The following NCAM2 variants were observed in gnomAD, a reference collection of about 807,000 sequenced individuals.
NCAM2 encodes the protein N-CAM-2.
Under a neutral mutation model 98.1 loss-of-function variants are expected in NCAM2, and 30 were observed. The observed-to-expected ratio is 0.31, with a 90% confidence interval of 0.23 to 0.41. The LOEUF (loss-of-function observed/expected upper bound fraction) is 0.41, where lower values mean the gene tolerates loss of function less well. Among genes scored for constraint, NCAM2 ranks in the 10% least tolerant of loss-of-function variants. The probability of loss-of-function intolerance (pLI) is 1.00; values close to 1 mark genes in which losing one functional copy is unlikely to be tolerated. For missense variants in NCAM2, 867 were observed against 1,005.8 expected (o/e 0.86, Z 1.87); for synonymous variants, 368 against 342.4 (o/e 1.07, Z -0.83).
At chr21:21,263,600 T>A (rs951371411) in intron 1 of NCAM2, among the ~76,000 whole-genome samples, 2 of 152,088 alleles carry the variant, frequency 1.3e-5, no homozygotes, top group Non-Finnish European at 2.9e-5. Flanking sequence ...ATTGCCTGAC[T>A]TCAAACTATA....
intron 1 of NCAM2, among the ~76,000 whole-genome samples, chr21:21,123,640 T>C (rs1364521012): frequency 6.6e-6 from 1 of 152,134 alleles, no homozygotes; most frequent in Non-Finnish European, 1.5e-5. Flanking sequence ...CAAATATGTC[T>C]GATGCGCATT....
chr21:21,384,075 A>C (rs944673881), intron 9 of NCAM2, among the ~76,000 whole-genome samples: 1 of 151,998 alleles, frequency 6.6e-6, no homozygotes, highest in Non-Finnish European at 1.5e-5. Flanking sequence ...TGGTAGATAT[A>C]TAAGTATTTT....
intron 1 of NCAM2, chr21:21,210,612 G>A (rs1568773757): frequency 2.3e-6 from 3 of 1,288,414 alleles, no homozygotes; most frequent in Non-Finnish European, 3.0e-6. Flanking sequence ...ATCACAACAG[G>A]CAAGGTCTCT....
chr21:21,330,237 C>T (rs2074634354), intron 6 of NCAM2, among the ~76,000 whole-genome samples: 1 of 151,976 alleles, frequency 6.6e-6, no homozygotes, highest in Non-Finnish European at 1.5e-5. Flanking sequence ...AAGGTGGACT[C>T]ATGTCATTGA....
chr21:21,081,689 T>C (rs539069319), intron 1 of NCAM2, among the ~76,000 whole-genome samples: 1 of 151,662 alleles, frequency 6.6e-6, no homozygotes, highest in South Asian at 2.1e-4. Context: ...TAATCTCAGT[T>C]ACTAGGGAGG....
At chr21:21,019,545 TGAG>T (rs1308695635) in intron 1 of NCAM2, among the ~76,000 whole-genome samples, 1 of 152,188 alleles carries the variant, frequency 6.6e-6, no homozygotes, top group African/African-American at 2.4e-5. Context: ...ATCCATAGAA[TGAG>T]GATAATAATA....
At chr21:21,178,150 GTTT>G (rs1305776863) in intron 1 of NCAM2, among the ~76,000 whole-genome samples, 1 of 152,036 alleles carries the variant, frequency 6.6e-6, no homozygotes, top group African/African-American at 2.4e-5. Flanking sequence ...ATTTATTGCT[GTTT>G]TCTTCTTACA....
chr21:21,090,331 C>T (rs2065987799), intron 1 of NCAM2, among the ~76,000 whole-genome samples: 1 of 151,990 alleles, frequency 6.6e-6, no homozygotes, highest in Admixed American at 6.6e-5. Flanking sequence ...TAAATACTTT[C>T]TGGGAACACT....
chr21:21,513,796 G>C (rs143229614), intron 16 of NCAM2, among the ~76,000 whole-genome samples: 11 of 152,210 alleles, frequency 7.2e-5, no homozygotes, highest in African/African-American at 2.6e-4. Flanking sequence ...GATGGGTTTT[G>C]AGGTTCACAG....
chr21:21,170,502 G>C (rs2068087781), intron 1 of NCAM2, among the ~76,000 whole-genome samples: 2 of 152,168 alleles, frequency 1.3e-5, no homozygotes, highest in Non-Finnish European at 2.9e-5. Context: ...CCAAGTATAT[G>C]AGACTCTAGA....
At chr21:21,272,497 T>TATGCGC (rs2072540720) in intron 1 of NCAM2, among the ~76,000 whole-genome samples, 1 of 145,450 alleles carries the variant, frequency 6.9e-6, no homozygotes, top group Non-Finnish European at 1.5e-5. Context: ...TACACACACA[T>TATGCGC]GCGCGCGCGC....
chr21:21,488,986 T>G (rs1473666359), intron 15 of NCAM2, among the ~76,000 whole-genome samples: 45 of 152,006 alleles, frequency 3.0e-4, no homozygotes, highest in Admixed American at 2.9e-3. Flanking sequence ...TTAATTTTTA[T>G]TTATTTATTT....
intron 1 of NCAM2, among the ~76,000 whole-genome samples, chr21:21,151,433 A>T (rs957939812): frequency 2.0e-5 from 3 of 152,052 alleles, no homozygotes; most frequent in Non-Finnish European, 4.4e-5. Context: ...GTTATTAGGT[A>T]AAGTTTGCTA....
intron 1 of NCAM2, among the ~76,000 whole-genome samples, chr21:21,161,175 T>C (rs2067770658): frequency 6.6e-6 from 1 of 151,818 alleles, no homozygotes; most frequent in South Asian, 2.1e-4. Context: ...ATGAATATTA[T>C]TTGCGAATAG....
intron 1 of NCAM2, among the ~76,000 whole-genome samples, chr21:21,206,798 A>G (rs539099971): frequency 4.6e-4 from 70 of 152,266 alleles, no homozygotes; most frequent in South Asian, 8.3e-4. Flanking sequence ...TAAAGGATGA[A>G]TGCATGCATG....
chr21:21,018,494 C>T (rs905658213), intron 1 of NCAM2, among the ~76,000 whole-genome samples: 1 of 152,218 alleles, frequency 6.6e-6, no homozygotes, highest in Non-Finnish European at 1.5e-5. Flanking sequence ...CTTCTTGTTA[C>T]AGTGCTGCTG....
chr21:21,127,605 A>G (rs2066854355), intron 1 of NCAM2, among the ~76,000 whole-genome samples: 1 of 152,156 alleles, frequency 6.6e-6, no homozygotes, highest in African/African-American at 2.4e-5. Context: ...ACCTCTCTTC[A>G]TTCTGCCTCC....
intron 1 of NCAM2, among the ~76,000 whole-genome samples, chr21:21,069,315 A>G (rs1202566216): frequency 6.6e-6 from 1 of 152,220 alleles, no homozygotes; most frequent in Non-Finnish European, 1.5e-5. Flanking sequence ...TGTAAATTAT[A>G]TATGAATAAT....
At chr21:21,381,915 T>C (rs2076161981) in intron 9 of NCAM2, among the ~76,000 whole-genome samples, 1 of 152,162 alleles carries the variant, frequency 6.6e-6, no homozygotes, top group Admixed American at 6.5e-5. Flanking sequence ...TAATTTATCT[T>C]TCATCAAATG....
Sources: allele counts gnomAD v4.1 joint callset (sites outside exome capture counted in the v4.1 genomes callset), GRCh38; gene constraint gnomAD v4.1.1; transcripts MANE v1.5; gene names NCBI Gene and HGNC (gene_info 2026-07-23, HGNC 2026-07-21).